Variants in FLT1 observed in about 807,000 individuals in gnomAD.
FLT1 encodes vascular endothelial growth factor receptor 1.
FLT1 carries 49 observed loss-of-function variants against 156.3 expected under a neutral mutation model. The ratio of observed to expected loss-of-function variants is 0.31; its 90% CI spans 0.25 to 0.40. The LOEUF is 0.40. Ranked by LOEUF, FLT1 falls within the 10% of genes least tolerant of loss-of-function variation. FLT1 has a pLI of 1.00. For missense variants in FLT1, 1,322 were observed against 1,637.2 expected (o/e 0.81, Z 3.32); for synonymous variants, 594 against 583.8 (o/e 1.02, Z -0.25).
At chr13:28,317,411 C>G (rs1871252221) in intron 25 of FLT1, 87 bp downstream of exon 25, 1 of 888,140 alleles carries the variant, frequency 1.1e-6, no homozygotes, top group Non-Finnish European at 1.9e-6. Context: ...GACTGGGACT[C>G]TAAGAATCCA....
chr13:28,304,011 C>T (rs1870630906), intron 29 of FLT1, among the ~76,000 whole-genome samples: 1 of 152,150 alleles, frequency 6.6e-6, no homozygotes, highest in Non-Finnish European at 1.5e-5. Flanking sequence ...AGGACAGACA[C>T]CTGAGGAAGA....
chr13:28,387,149 T>C, intron 13 of FLT1: 1 of 1,035,596 alleles, frequency 9.7e-7, no homozygotes, highest in Non-Finnish European at 1.2e-6. Context: ...AAACTTCAGA[T>C]GATAGAAGCA....
rs1381356721 is a variant in FLT1, at chr13:28,302,064, A to T, written c.*1103T>A. The T allele has an allele frequency of 8.6e-6, 2 of 233,374 alleles. No individual in the cohort carries two copies. Among genetic ancestry groups the T allele is most frequent in the Non-Finnish European group, 1.7e-5 (2 of 118,060 alleles). The allele number at this position is 233,374 out of a possible 1,614,324, so 14.5% of individuals were successfully genotyped here. On this transcript the variant is annotated 3_prime_UTR_variant, in exon 30 of 30. Transcript: ENST00000282397. ...GTGTTGGTGAATTGGTTTGGTTGGTATAGAGACGGGGTTTTCCCTTGACCT... is the reference window on the plus strand; with the variant it reads ...GTGTTGGTGAATTGGTTTGGTTGGTTTAGAGACGGGGTTTTCCCTTGACCT...
At chr13:28,313,434 C>A (rs1485879128) in intron 25 of FLT1, among the ~76,000 whole-genome samples, 2 of 152,160 alleles carry the variant, frequency 1.3e-5, no homozygotes, top group Admixed American at 1.3e-4. Context: ...ACCTTGTGCT[C>A]TTCAAGGGAT....
rs146240893 is a variant in FLT1 at position 28,485,125 on chromosome 13, A to G, written c.64+9655T>C. Among the ~76,000 whole-genome samples, 24 of 152,346 alleles carry G rather than the reference A, an allele frequency of 1.6e-4. No individual in the cohort carries two copies. In the East Asian group the frequency reaches 4.6e-3, roughly 29 times the overall value. ...TAATATTTAAATGCCTAATAAATATATAATTGAAATAAAAAATATATGTAA... is the reference window on the plus strand; with the variant it reads ...TAATATTTAAATGCCTAATAAATATGTAATTGAAATAAAAAATATATGTAA... On this transcript the variant is annotated intron_variant, in intron 1 of 29. Transcript: ENST00000282397.
intron 14 of FLT1, among the ~76,000 whole-genome samples, chr13:28,360,097 G>A (rs746785657): frequency 7.2e-5 from 11 of 152,128 alleles, no homozygotes; most frequent in Non-Finnish European, 1.6e-4. Context: ...GTGACAGAGC[G>A]AGACTTTGTC....
chr13:28,422,014 C>T (rs1877035343), intron 10 of FLT1, among the ~76,000 whole-genome samples: 1 of 152,098 alleles, frequency 6.6e-6, no homozygotes, highest in Non-Finnish European at 1.5e-5. Flanking sequence ...ATATATAGAT[C>T]CAATAAGTAA....
chr13:28,358,280 C>T (rs915968608), intron 14 of FLT1, among the ~76,000 whole-genome samples: 2 of 152,156 alleles, frequency 1.3e-5, no homozygotes, highest in African/African-American at 4.8e-5. Context: ...CCTGGTGAGT[C>T]AATATAGCCT....
intron 3 of FLT1, among the ~76,000 whole-genome samples, chr13:28,453,472 G>C (rs1403632454): frequency 6.6e-6 from 1 of 152,128 alleles, no homozygotes; most frequent in Non-Finnish European, 1.5e-5. Flanking sequence ...CATTCTCTTG[G>C]TAAATATGGA....
intron 14 of FLT1, among the ~76,000 whole-genome samples, chr13:28,379,939 C>T (rs1342676797): frequency 6.6e-6 from 1 of 152,104 alleles, no homozygotes; most frequent in East Asian, 1.9e-4. Context: ...CTCACTTCCT[C>T]TCTAATATTT....
chr13:28,473,518 G>A (rs111841211), intron 1 of FLT1, among the ~76,000 whole-genome samples: 5,074 of 151,596 alleles, frequency 0.033, 272 homozygotes, highest in African/African-American at 0.11. Flanking sequence ...GGTGGTGCGC[G>A]CCTGTAGTCC....
Position 28,306,770 on chromosome 13 carries a change from G to C in FLT1, c.3723C>G (p.Asp1241Glu), listed in dbSNP as rs1477192335. The C allele has an allele frequency of 1.2e-6, 2 of 1,607,532 alleles. No individual in the cohort carries two copies. The highest frequency in any genetic ancestry group is 2.7e-5 in the African/African-American group (2 of 74,768). The stretch of plus-strand genomic sequence containing the variant: ...ACAGAGTGCTGCTGTCGCCCTGGTA[G>C]TCCTAGGGGGAGAAGGAGAAAGGTT... ...LLPNATSMFDDYQGDSSTLLA... is the reference protein window; with the variant it reads ...LLPNATSMFDEYQGDSSTLLA... The change falls in exon 29 of 30, where the codon GAC becomes GAG. Residue 1241 changes from aspartate (D) to glutamate (E), a missense_variant and splice_region_variant. Coordinates refer to ENST00000282397, the MANE Select transcript of FLT1 (RefSeq NM_002019.4).
chr13:28,329,758 G>C (rs374074932), intron 18 of FLT1, 30 bp from the exon 19 acceptor site: 1 of 1,566,296 alleles, frequency 6.4e-7, no homozygotes, highest in Non-Finnish European at 8.8e-7. Flanking sequence ...GAGTCAGGGC[G>C]ACAGGACAAT....
intron 14 of FLT1, among the ~76,000 whole-genome samples, chr13:28,372,678 T>C (rs1873673842): frequency 6.9e-6 from 1 of 145,176 alleles, no homozygotes; most frequent in Non-Finnish European, 1.5e-5. Context: ...GGTCAAGAGA[T>C]TGAGACCATC....
intron 3 of FLT1, among the ~76,000 whole-genome samples, chr13:28,441,822 G>C (rs1265922320): frequency 6.6e-6 from 1 of 151,958 alleles, no homozygotes; most frequent in African/African-American, 2.4e-5. Context: ...TGGCTTTATG[G>C]ATTATTGTTG....
chr13:28,349,858 T>C (rs1210066811), intron 15 of FLT1, among the ~76,000 whole-genome samples: 1 of 152,230 alleles, frequency 6.6e-6, no homozygotes, highest in Admixed American at 6.5e-5. Context: ...GAAAGATCTA[T>C]TTAATATTAA....
At chr13:28,491,488 T>C (rs1881467344) in intron 1 of FLT1, among the ~76,000 whole-genome samples, 1 of 152,204 alleles carries the variant, frequency 6.6e-6, no homozygotes, top group Admixed American at 6.5e-5. Context: ...AGTTATACAT[T>C]CTGCTAGTGA....
At chr13:28,371,878 A>T (rs1873584905) in intron 14 of FLT1, among the ~76,000 whole-genome samples, 1 of 151,644 alleles carries the variant, frequency 6.6e-6, no homozygotes, top group Non-Finnish European at 1.5e-5. Flanking sequence ...AGGGGACATG[A>T]CAGTAGTTTT....
Position 28,322,147 on chromosome 13 carries a change from G to A in FLT1, c.3051+115C>T, listed in dbSNP as rs1871486929. 1.6e-5 allele frequency: 12 copies of A among 763,814 alleles called. No homozygotes were observed. In the Admixed American group the frequency reaches 2.0e-4, roughly 13 times the overall value. 47.3% of individuals were successfully genotyped at this position (763,814 alleles called of 1,614,324 possible). A position where few individuals can be genotyped will look rare whatever the true frequency, so the allele number is the denominator to read the frequency against. ...GGCAAATTAAGGCACTTGCAGTGGT[G>A]TTTGTTCTACATTTAAGAACATAGG... is the stretch of plus-strand genomic sequence containing the variant. On this transcript the variant is annotated intron_variant, in intron 22 of 29. Coordinates refer to ENST00000282397, the MANE Select transcript of FLT1 (RefSeq NM_002019.4). The surrounding 1 kb of genome is among the most constrained non-coding windows in gnomAD (Gnocchi z 4.3).
Sources: gnomAD v4.1 joint callset for allele counts (sites outside exome capture counted in the v4.1 genomes callset) on GRCh38, gnomAD v4.1.1 for gene constraint, Gnocchi (gnomAD v3.1) non-coding constraint, MANE v1.5 for transcripts, NCBI Gene and HGNC (gene_info 2026-07-23, HGNC 2026-07-21) for gene names.